The following ADGRB3 variants were observed in gnomAD, a reference collection of about 807,000 sequenced individuals.
ADGRB3 encodes the protein adhesion G protein-coupled receptor B3.
A neutral mutation model predicts 193.4 loss-of-function variants in ADGRB3; 37 were observed. That is an observed-to-expected ratio of 0.19 (90% CI 0.15 to 0.25). ADGRB3 has a LOEUF of 0.25. Among genes scored for constraint, ADGRB3 ranks in the 10% least tolerant of loss-of-function variants. ADGRB3 has a pLI of 1.00. For missense variants in ADGRB3, 1,637 were observed against 1,852.9 expected (o/e 0.88, Z 2.14); for synonymous variants, 690 against 644.2 (o/e 1.07, Z -1.08).
chr6:69,185,240 T>C (rs62406823), intron 17 of ADGRB3, among the ~76,000 whole-genome samples: 6,979 of 152,178 alleles, frequency 0.046, 223 homozygotes, highest in Non-Finnish European at 0.071. Context: ...AACTCTCATA[T>C]TGAAAAAAAT....
At chr6:68,682,297 G>C (rs1347799300) in intron 3 of ADGRB3, among the ~76,000 whole-genome samples, 3 of 152,118 alleles carry the variant, frequency 2.0e-5, no homozygotes, top group African/African-American at 7.2e-5. Context: ...AGCTTATTTT[G>C]TTTTACCTCC....
At chr6:68,779,699 A>T (rs1341482681) in intron 3 of ADGRB3, among the ~76,000 whole-genome samples, 1 of 152,060 alleles carries the variant, frequency 6.6e-6, no homozygotes, top group African/African-American at 2.4e-5. Context: ...TTATTTTTTA[A>T]ATCTGAGGCT....
chr6:69,274,540 T>TTTCCTTCCTTCCCTC (rs1316162608), intron 20 of ADGRB3, among the ~76,000 whole-genome samples: 1 of 133,682 alleles, frequency 7.5e-6, no homozygotes, highest in African/African-American at 2.9e-5. Flanking sequence ...ACCTTCCTTC[T>TTTCCTTCCTTCCCTC]TTCCTTCCTT....
intron 3 of ADGRB3, among the ~76,000 whole-genome samples, chr6:68,789,962 G>A (rs1767067037): frequency 6.6e-6 from 1 of 152,150 alleles, no homozygotes; most frequent in Non-Finnish European, 1.5e-5. Context: ...TGAGGCTTCT[G>A]CATTTGTCAC....
chr6:69,236,625 T>C (rs1487569127), intron 19 of ADGRB3, among the ~76,000 whole-genome samples: 3 of 152,052 alleles, frequency 2.0e-5, no homozygotes, highest in East Asian at 1.9e-4. Flanking sequence ...TCATGCTCAC[T>C]GAAGTATTTA....
intron 3 of ADGRB3, among the ~76,000 whole-genome samples, chr6:68,877,260 A>C (rs569924121): frequency 6.6e-6 from 1 of 152,092 alleles, no homozygotes; most frequent in South Asian, 2.1e-4. Context: ...GTTTCTAGAC[A>C]TTATTAGTCT....
chr6:69,082,194 G>T lies in ADGRB3; in HGVS notation c.2480+6156G>T, dbSNP rs1431527164. ...TTAGTCTTTTATAGAAAAAAAAATT[G>T]CCAGCCTCTGCCCCAAACAGTGCTT... On this transcript the variant is annotated intron_variant, in intron 17 of 31. Transcript: ENST00000370598. Among the ~76,000 whole-genome samples the T allele has an allele frequency of 2.6e-5, 4 of 151,988 alleles. No individual in the cohort carries two copies. The East Asian group carries it at 5.8e-4, about 22-fold the overall frequency.
chr6:68,751,549 T>C (rs2206836), intron 3 of ADGRB3, among the ~76,000 whole-genome samples: 115,563 of 152,054 alleles, frequency 0.76, 44,159 homozygotes, highest in Middle Eastern at 0.91. Flanking sequence ...TGGTTGTCTC[T>C]TAGCTATTAT....
chr6:69,291,254 A>G (rs1767660093), intron 20 of ADGRB3, among the ~76,000 whole-genome samples: 1 of 152,142 alleles, frequency 6.6e-6, no homozygotes, highest in Non-Finnish European at 1.5e-5. Context: ...TGTGATTATT[A>G]TCATCATTAT....
intron 3 of ADGRB3, among the ~76,000 whole-genome samples, chr6:68,875,230 CCCCCTCCCTCTGCCCTCCCCT>C (rs1765565597): frequency 2.0e-5 from 1 of 51,186 alleles, no homozygotes; most frequent in Non-Finnish European, 3.8e-5. Flanking sequence ...CCCTTCCTCT[CCCCCTCCCTCTGCCCTCCCCT>C]CCCCTCCCCT....
chr6:69,223,792 G>A (rs1461711319), intron 17 of ADGRB3, among the ~76,000 whole-genome samples: 1 of 151,478 alleles, frequency 6.6e-6, no homozygotes, highest in African/African-American at 2.4e-5. Flanking sequence ...AAGTAGTTGG[G>A]AGTACAGGCA....
intron 3 of ADGRB3, among the ~76,000 whole-genome samples, chr6:68,922,930 A>C (rs563127270): frequency 1.1e-3 from 166 of 152,288 alleles, no homozygotes; most frequent in Non-Finnish European, 2.1e-3. Context: ...AAGATTAGTT[A>C]ATTGATTAAA....
chr6:68,907,381 T>C (rs992534063), intron 3 of ADGRB3, among the ~76,000 whole-genome samples: 2 of 151,956 alleles, frequency 1.3e-5, no homozygotes, highest in Admixed American at 6.6e-5. Context: ...GTATAAATTC[T>C]TTGATTCTTA....
intron 17 of ADGRB3, among the ~76,000 whole-genome samples, chr6:69,169,536 TATA>T (rs748474930): frequency 6.7e-6 from 1 of 149,846 alleles, no homozygotes; most frequent in Non-Finnish European, 1.5e-5. Context: ...ATAATTAAAT[TATA>T]ATATAAGCAC....
At chr6:69,176,692 G>T (rs1031456057) in intron 17 of ADGRB3, among the ~76,000 whole-genome samples, 5 of 152,116 alleles carry the variant, frequency 3.3e-5, no homozygotes, top group Admixed American at 2.6e-4. Context: ...AATAATTTTA[G>T]TAGAATTGTT....
chr6:69,106,963 G>T (rs1287529783), intron 17 of ADGRB3, among the ~76,000 whole-genome samples: 1 of 152,146 alleles, frequency 6.6e-6, no homozygotes, highest in Admixed American at 6.5e-5. Flanking sequence ...TTGGACCAGT[G>T]CCGTTAGTTC....
chr6:68,697,499 C>T (rs1333214341), intron 3 of ADGRB3, among the ~76,000 whole-genome samples: 2 of 151,852 alleles, frequency 1.3e-5, no homozygotes, highest in African/African-American at 2.4e-5. Flanking sequence ...GGAGGTTAAG[C>T]TTTTCATAGT....
intron 20 of ADGRB3, among the ~76,000 whole-genome samples, chr6:69,268,479 C>T (rs1054242658): frequency 3.3e-5 from 5 of 152,070 alleles, no homozygotes; most frequent in South Asian, 2.1e-4. Context: ...AAGCAATCAC[C>T]GCTTTGACAA....
At chr6:69,031,561 T>TTCTTTCTTTCTTTCTCTCTCTC (rs1170990937) in intron 13 of ADGRB3, among the ~76,000 whole-genome samples, 2 of 133,992 alleles carry the variant, frequency 1.5e-5, no homozygotes, top group African/African-American at 2.7e-5. Flanking sequence ...TTTTCTTTCT[T>TTCTTTCTTTCTTTCTCTCTCTC]TCTTTTCTTC....
Sources: gnomAD v4.1 joint callset for allele counts (sites outside exome capture counted in the v4.1 genomes callset) on GRCh38, gnomAD v4.1.1 for gene constraint, MANE v1.5 for transcripts, NCBI Gene and HGNC (gene_info 2026-07-23, HGNC 2026-07-21) for gene names.